CACNA2D3: variants seen among roughly 807,000 people sequenced by gnomAD.
CACNA2D3 encodes voltage-dependent calcium channel subunit alpha-2/delta-3.
CACNA2D3 carries 60 observed loss-of-function variants against 160.6 expected under a neutral mutation model. That is an observed-to-expected ratio of 0.37 (90% confidence interval 0.30 to 0.46). The LOEUF (loss-of-function observed/expected upper bound fraction) is 0.46. Ranked by LOEUF, CACNA2D3 falls within the 20% of genes least tolerant of loss-of-function variation. CACNA2D3 has a pLI of 1.00. For missense variants in CACNA2D3, 1,205 were observed against 1,365.0 expected (o/e 0.88, Z 1.85); for synonymous variants, 558 against 492.9 (o/e 1.13, Z -1.75).
At chr3:54,741,775 C>T (rs1359748692) in intron 11 of CACNA2D3, among the ~76,000 whole-genome samples, 5 of 152,068 alleles carry the variant, frequency 3.3e-5, no homozygotes, top group Admixed American at 6.5e-5. Context: ...TTACAATAAA[C>T]CTTGATAGCC....
intron 19 of CACNA2D3, 75 bp downstream of exon 19, chr3:54,879,164 T>C: frequency 9.7e-7 from 1 of 1,034,742 alleles, no homozygotes; most frequent in Admixed American, 2.5e-5. Context: ...GAAAGCTATA[T>C]CTGGAATAAA....
chr3:54,276,910 T>A (rs148965038), intron 2 of CACNA2D3, among the ~76,000 whole-genome samples: 17 of 152,394 alleles, frequency 1.1e-4, no homozygotes, highest in African/African-American at 4.1e-4. Context: ...GACTGATGAC[T>A]GTACACTGTG....
intron 17 of CACNA2D3, among the ~76,000 whole-genome samples, chr3:54,867,376 C>T (rs1699425790): frequency 6.6e-6 from 1 of 152,088 alleles, no homozygotes; most frequent in Non-Finnish European, 1.5e-5. Flanking sequence ...ATCACATGTT[C>T]CTCAATAATC....
intron 35 of CACNA2D3, among the ~76,000 whole-genome samples, chr3:55,024,855 T>C (rs1703531441): frequency 6.6e-6 from 1 of 152,214 alleles, no homozygotes. Flanking sequence ...TAAAAAGCTA[T>C]AGCATATATG....
At chr3:54,657,941 C>G (rs1294929087) in intron 11 of CACNA2D3, among the ~76,000 whole-genome samples, 3 of 152,102 alleles carry the variant, frequency 2.0e-5, no homozygotes, top group Non-Finnish European at 4.4e-5. Context: ...AAGCGGGAGA[C>G]TGGGAGGTGG....
At chr3:54,873,850 G>C (rs150834182) in intron 18 of CACNA2D3, among the ~76,000 whole-genome samples, 6 of 152,218 alleles carry the variant, frequency 3.9e-5, no homozygotes, top group East Asian at 3.9e-4. Context: ...TCTCTCCTGG[G>C]GATTTGCATG....
At chr3:54,650,075 A>G (rs1164795228) in intron 11 of CACNA2D3, among the ~76,000 whole-genome samples, 1 of 152,198 alleles carries the variant, frequency 6.6e-6, no homozygotes, top group Non-Finnish European at 1.5e-5. Flanking sequence ...GAGCCACAGA[A>G]GCAGTACTAG....
At chr3:55,056,600 C>T (rs78546601) in intron 35 of CACNA2D3, among the ~76,000 whole-genome samples, 5,931 of 152,190 alleles carry the variant, frequency 0.039, 375 homozygotes, top group African/African-American at 0.13. Context: ...GCAGTATAAG[C>T]GCACAATGGA....
At chr3:54,363,763 A>G (rs1698783790) in intron 3 of CACNA2D3, among the ~76,000 whole-genome samples, 1 of 152,188 alleles carries the variant, frequency 6.6e-6, no homozygotes, top group Non-Finnish European at 1.5e-5. Context: ...GCATTATGAC[A>G]ATGAGGATTG....
chr3:54,552,360 A>C (rs1273297092), intron 5 of CACNA2D3, among the ~76,000 whole-genome samples: 1 of 152,156 alleles, frequency 6.6e-6, no homozygotes, highest in Non-Finnish European at 1.5e-5. Context: ...TAATTATTTG[A>C]TGATGGCTAG....
At chr3:54,549,328 C>G (rs1702116791) in intron 5 of CACNA2D3, among the ~76,000 whole-genome samples, 1 of 152,200 alleles carries the variant, frequency 6.6e-6, no homozygotes, top group Admixed American at 6.5e-5. Context: ...CGCCTGTAGT[C>G]CCAGCTACTC....
At chr3:54,182,140 C>G (rs1030535797) in intron 2 of CACNA2D3, among the ~76,000 whole-genome samples, 1 of 152,134 alleles carries the variant, frequency 6.6e-6, no homozygotes, top group African/African-American at 2.4e-5. Context: ...GTTTTCTATG[C>G]TAGGACTTAT....
At chr3:55,038,765 T>G (rs1703888989) in intron 35 of CACNA2D3, among the ~76,000 whole-genome samples, 1 of 151,300 alleles carries the variant, frequency 6.6e-6, no homozygotes, top group African/African-American at 2.4e-5. Flanking sequence ...AATTTCCATA[T>G]AGAATGGATG....
At chr3:54,936,200 A>G (rs1701324582) in intron 27 of CACNA2D3, among the ~76,000 whole-genome samples, 1 of 152,192 alleles carries the variant, frequency 6.6e-6, no homozygotes. Context: ...AGTAATATAC[A>G]TTAGCTAGTA....
At chr3:54,286,289 C>T (rs1377803121) in intron 2 of CACNA2D3, among the ~76,000 whole-genome samples, 1 of 152,130 alleles carries the variant, frequency 6.6e-6, no homozygotes, top group Non-Finnish European at 1.5e-5. Context: ...AATGCAGAAG[C>T]CTCAGGAGCG....
At chr3:54,727,003 GC>G (rs1701289879) in intron 11 of CACNA2D3, among the ~76,000 whole-genome samples, 1 of 152,262 alleles carries the variant, frequency 6.6e-6, no homozygotes, top group East Asian at 1.9e-4. Flanking sequence ...GAAGATTTTT[GC>G]AATCTATCCA....
rs58790730 is a variant in CACNA2D3 at position 54,319,157 on chromosome 3, GACACACACAC to G, written c.205-1250_205-1241del. 4.8e-3 allele frequency among the ~76,000 whole-genome samples: 670 copies of G among 138,934 alleles called. 3 individuals are homozygous for G. Among genetic ancestry groups the G allele is most frequent in the African/African-American group, 5.7e-3 (207 of 36,562 alleles). 91.1% of individuals were successfully genotyped at this position (138,934 alleles called of 152,430 possible). On this transcript the variant is annotated intron_variant, in intron 2 of 37. Coordinates refer to ENST00000474759, the MANE Select transcript of CACNA2D3 (RefSeq NM_018398.3). ...TGAACAAGGAAGGGAAGCATTTTGT[GACACACACAC>G]ACACACACACACACACACACACACA...
chr3:54,388,272 G>A (rs1019163330), intron 4 of CACNA2D3, among the ~76,000 whole-genome samples: 2 of 152,134 alleles, frequency 1.3e-5, no homozygotes, highest in Admixed American at 6.5e-5. Context: ...AGCTGGAAAG[G>A]GTGAAATTTG....
chr3:54,468,645 C>A (rs1700672836), intron 4 of CACNA2D3, among the ~76,000 whole-genome samples: 1 of 152,164 alleles, frequency 6.6e-6, no homozygotes, highest in Non-Finnish European at 1.5e-5. Flanking sequence ...GCAGATCCCA[C>A]CCCCACGGAG....
Sources: gnomAD v4.1 joint callset for allele counts (sites outside exome capture counted in the v4.1 genomes callset) on GRCh38, gnomAD v4.1.1 for gene constraint, MANE v1.5 for transcripts, NCBI Gene and HGNC (gene_info 2026-07-23, HGNC 2026-07-21) for gene names.